SMAD6: variants seen among roughly 807,000 people sequenced by gnomAD.
SMAD6 encodes the protein MAD homolog 6.
SMAD6 carries 103 observed loss-of-function variants against 39.4 expected under a neutral mutation model. The ratio of observed to expected loss-of-function variants is 2.62; its 90% confidence interval spans 2.23 to 3.08. The LOEUF is 3.08. Ranked by LOEUF, SMAD6 falls within the 30% of genes most tolerant of loss-of-function variation. The probability of loss-of-function intolerance (pLI) is 0.00; values close to 1 mark genes in which losing one functional copy is unlikely to be tolerated. For synonymous variants in SMAD6, 445 were observed against 353.3 expected (o/e 1.26, Z -2.91); for missense variants, 1,104 against 742.9 (o/e 1.49, Z -5.65).
chr15:66,734,529 A>G (rs558852111), intron 3 of SMAD6, among the ~76,000 whole-genome samples: 42 of 152,344 alleles, frequency 2.8e-4, no homozygotes, highest in African/African-American at 9.9e-4. Flanking sequence ...GAGCTGCTCT[A>G]AGTACTTGGC....
intron 3 of SMAD6, among the ~76,000 whole-genome samples, chr15:66,777,065 G>A (rs1232968771): frequency 3.9e-5 from 6 of 151,928 alleles, no homozygotes; most frequent in Admixed American, 1.3e-4. Flanking sequence ...AGCAGTGGTC[G>A]CCCTGTGTCA....
chr15:66,703,597 G>A lies in SMAD6; in HGVS notation c.339G>A (p.Pro113=), dbSNP rs1330918700. Residue 113 remains proline (P), a synonymous_variant, in exon 1 of 4, where the codon CCG becomes CCA. Transcript: ENST00000288840. ...TGGACGTGGCGGAGCCGGGAGGCCC[G>A]GGCTGGCTGCCCGAGAGTGACTGCG... ...SLLDVAEPGG[P]GWLPESDCET... 4 of 1,227,994 alleles carry A rather than the reference G, an allele frequency of 3.3e-6. No homozygotes were observed. Among genetic ancestry groups the A allele is most frequent in the African/African-American group, 1.6e-5 (1 of 63,584 alleles). 76.1% of individuals were successfully genotyped at this position (1,227,994 alleles called of 1,614,324 possible).
At chr15:66,723,600 T>C (rs1462640000) in intron 3 of SMAD6, among the ~76,000 whole-genome samples, 4 of 151,902 alleles carry the variant, frequency 2.6e-5, no homozygotes, top group Non-Finnish European at 5.9e-5. Context: ...AGCTCAGGAG[T>C]TGGAGGCTAT....
chr15:66,758,030 A>T (rs1894133806), intron 3 of SMAD6, among the ~76,000 whole-genome samples: 1 of 152,188 alleles, frequency 6.6e-6, no homozygotes. Flanking sequence ...AGCGAATTCC[A>T]CATTTACTCC....
chr15:66,764,295 A>G (rs572417092), intron 3 of SMAD6, among the ~76,000 whole-genome samples: 2 of 151,908 alleles, frequency 1.3e-5, no homozygotes, highest in East Asian at 3.9e-4. Context: ...GTTTATCAAA[A>G]CTTTTTTTTT....
rs768952309 is a variant in SMAD6, at chr15:66,767,520, C to T, written c.953-13477C>T. 5.9e-5 allele frequency among the ~76,000 whole-genome samples: 9 copies of T among 152,226 alleles called. No homozygotes were observed. The South Asian group carries it at 1.2e-3, about 21-fold the overall frequency. ...CAGCTTGGGAGCTTGGGCATGGATG[C>T]GTCAAGCAGCTTCAACTTGCCTGCA... is the stretch of plus-strand genomic sequence containing the variant. On this transcript the variant is annotated intron_variant, in intron 3 of 3. Coordinates refer to ENST00000288840, the MANE Select transcript of SMAD6 (RefSeq NM_005585.5).
rs149633530 is a variant in SMAD6, at chr15:66,748,394, C to T, written c.952+31896C>T. On this transcript the variant is annotated intron_variant, in intron 3 of 3. Coordinates refer to ENST00000288840, the MANE Select transcript of SMAD6 (RefSeq NM_005585.5). ...GATTATTAATAGAGCCTAGTTACCA[C>T]GCACATAATGAACCTTTTAAGAGAC... is the stretch of plus-strand genomic sequence containing the variant. Among the ~76,000 whole-genome samples the T allele has an allele frequency of 2.8e-4, 43 of 152,222 alleles. 1 individual carries two copies. In the East Asian group the frequency reaches 3.7e-3, roughly 13 times the overall value.
intron 3 of SMAD6, among the ~76,000 whole-genome samples, chr15:66,762,449 C>T (rs867802190): frequency 8.5e-5 from 13 of 152,176 alleles, no homozygotes; most frequent in Non-Finnish European, 1.3e-4. Flanking sequence ...CCCACTCTTT[C>T]CCCTCAGGGA....
chr15:66,740,052 A>G (rs936953396), intron 3 of SMAD6, among the ~76,000 whole-genome samples: 3 of 152,154 alleles, frequency 2.0e-5, no homozygotes, highest in African/African-American at 4.8e-5. Flanking sequence ...GCTGCGTTCT[A>G]TTCTGGTCTA....
At chr15:66,739,533 G>GGAGGGGAGGGGGCA (rs1333849302) in intron 3 of SMAD6, among the ~76,000 whole-genome samples, 1 of 152,186 alleles carries the variant, frequency 6.6e-6, no homozygotes, top group Admixed American at 6.5e-5. Context: ...AGGTGTTGGC[G>GGAGGGGAGGGGGCA]GAGGGGAGGG....
At chr15:66,728,883 C>A (rs1355983904) in intron 3 of SMAD6, among the ~76,000 whole-genome samples, 1 of 152,116 alleles carries the variant, frequency 6.6e-6, no homozygotes, top group Non-Finnish European at 1.5e-5. Flanking sequence ...ATACCTTATA[C>A]CAGCCTTTTT....
intron 3 of SMAD6, among the ~76,000 whole-genome samples, chr15:66,751,321 G>A (rs1894002550): frequency 6.6e-6 from 1 of 152,170 alleles, no homozygotes; most frequent in Admixed American, 6.5e-5. Context: ...TGAAGCTGCT[G>A]AACCTACTCG....
chr15:66,717,706 A>G (rs1290724777), intron 3 of SMAD6, among the ~76,000 whole-genome samples: 1 of 152,128 alleles, frequency 6.6e-6, no homozygotes, highest in African/African-American at 2.4e-5. Flanking sequence ...TGGGGAGGCT[A>G]GAAGCGGAAG....
rs191213814 is a variant in SMAD6 at position 66,761,281 on chromosome 15, C to T, written c.953-19716C>T. Among the ~76,000 whole-genome samples, 7 of 152,300 alleles carry T rather than the reference C, an allele frequency of 4.6e-5. No homozygotes were observed. In the East Asian group the frequency reaches 5.8e-4, roughly 13 times the overall value. The stretch of plus-strand genomic sequence containing the variant: ...CAGCCCCGTACAATGGAAGGGGTTG[C>T]GAACGGGTGTGCAGAGACTTTCTGG... On this transcript the variant is annotated intron_variant, in intron 3 of 3. Transcript: ENST00000288840.
At chr15:66,735,444 A>G (rs1222237345) in intron 3 of SMAD6, among the ~76,000 whole-genome samples, 1 of 152,214 alleles carries the variant, frequency 6.6e-6, no homozygotes. Context: ...GCCAAAACAA[A>G]CAAGCCAAAC....
intron 3 of SMAD6, 142 bp from the exon 4 acceptor site, chr15:66,780,855 G>A (rs997149568): frequency 1.4e-6 from 1 of 728,818 alleles, no homozygotes. Flanking sequence ...GGACAACCTG[G>A]CACACGGTGC....
chr15:66,757,835 GCTGGGCATC>G (rs1278327607), intron 3 of SMAD6, among the ~76,000 whole-genome samples: 5 of 152,194 alleles, frequency 3.3e-5, no homozygotes, highest in African/African-American at 1.2e-4. Flanking sequence ...CATGGAATGC[GCTGGGCATC>G]CTGGGCACCG....
At chr15:66,758,840 A>G (rs1894148230) in intron 3 of SMAD6, among the ~76,000 whole-genome samples, 1 of 152,228 alleles carries the variant, frequency 6.6e-6, no homozygotes, top group Non-Finnish European at 1.5e-5. Context: ...GGTTGAATCT[A>G]AAGGGAATGG....
chr15:66,762,364 CCT>C (rs1159211208), intron 3 of SMAD6, among the ~76,000 whole-genome samples: 3 of 152,202 alleles, frequency 2.0e-5, no homozygotes, highest in African/African-American at 7.2e-5. Flanking sequence ...CAAGGAAACG[CCT>C]CTCTGGCATC....
Sources: gnomAD v4.1 joint callset for allele counts (sites outside exome capture counted in the v4.1 genomes callset) on GRCh38, gnomAD v4.1.1 for gene constraint, MANE v1.5 for transcripts, NCBI Gene and HGNC (gene_info 2026-07-23, HGNC 2026-07-21) for gene names.